SLC4A4: variants seen among roughly 807,000 people sequenced by gnomAD.
SLC4A4 encodes the protein electrogenic sodium bicarbonate cotransporter 1.
A neutral mutation model predicts 111.5 loss-of-function variants in SLC4A4; 27 were observed. The observed-to-expected ratio is 0.24, with a 90% CI of 0.18 to 0.33. SLC4A4 has a LOEUF of 0.33. SLC4A4 is among the 10% of genes least tolerant of loss of function. The pLI is 1.00. For synonymous variants in SLC4A4, 443 were observed against 463.4 expected (o/e 0.96, Z 0.57); for missense variants, 909 against 1,315.5 (o/e 0.69, Z 4.78).
intron 2 of SLC4A4, among the ~76,000 whole-genome samples, chr4:71,156,573 TGCGC>T (rs771841334): frequency 1.5e-4 from 13 of 85,642 alleles, no homozygotes; most frequent in Non-Finnish European, 2.4e-4. Flanking sequence ...TGTGCGCGCA[TGCGC>T]GCGCGCGCGC....
intron 3 of SLC4A4, among the ~76,000 whole-genome samples, chr4:71,293,866 G>A (rs1030226609): frequency 1.3e-5 from 2 of 152,286 alleles, no homozygotes; most frequent in East Asian, 1.9e-4. Flanking sequence ...TAGTCTGAGC[G>A]CTCATGTTGA....
At chr4:71,431,080 C>T (rs1054841598) in intron 7 of SLC4A4, among the ~76,000 whole-genome samples, 1 of 152,054 alleles carries the variant, frequency 6.6e-6, no homozygotes, top group Non-Finnish European at 1.5e-5. Context: ...TTTTCCTCAG[C>T]CCCTCAGGCA....
At chr4:71,104,839 AGCATTCCCTTTGAAAACTG>A (rs1163227785) in intron 2 of SLC4A4, among the ~76,000 whole-genome samples, 1 of 45,404 alleles carries the variant, frequency 2.2e-5, no homozygotes, top group Non-Finnish European at 4.8e-5. Flanking sequence ...AAAAACTGGA[AGCATTCCCTTTGAAAACTG>A]GCACAAGACA....
At chr4:71,255,008 A>G (rs1721337830) in intron 2 of SLC4A4, among the ~76,000 whole-genome samples, 1 of 152,188 alleles carries the variant, frequency 6.6e-6, no homozygotes, top group East Asian at 1.9e-4. Context: ...ATTAGAGTAC[A>G]CTCTCACAGA....
intron 15 of SLC4A4, among the ~76,000 whole-genome samples, chr4:71,494,161 T>C (rs982043165): frequency 1.2e-4 from 18 of 152,036 alleles, no homozygotes; most frequent in African/African-American, 4.3e-4. Context: ...ACTAGATATC[T>C]CTCTGAATAT....
intron 3 of SLC4A4, among the ~76,000 whole-genome samples, chr4:71,299,353 A>G (rs1473399838): frequency 6.6e-6 from 1 of 152,202 alleles, no homozygotes; most frequent in Non-Finnish European, 1.5e-5. Context: ...AATTGAAAAG[A>G]CATTGATTGA....
Position 71,180,402 on chromosome 4 carries a change from G to T in SLC4A4, c.-1-56174G>T, listed in dbSNP as rs1374540051. Among the ~76,000 whole-genome samples the T allele has an allele frequency of 3.9e-5, 6 of 152,136 alleles. No individual in the cohort carries two copies. The East Asian group carries it at 1.2e-3, about 29-fold the overall frequency. On this transcript the variant is annotated intron_variant, in intron 2 of 26. Coordinates refer to the SLC4A4 transcript ENST00000649996. The stretch of plus-strand genomic sequence containing the variant: ...CACACAGCAAAAGAAACTACCATCA[G>T]AGTGAACAAGCAACCTACAGAATGG...
chr4:71,084,571 C>T (rs999398711), intron 1 of SLC4A4, among the ~76,000 whole-genome samples: 4 of 151,960 alleles, frequency 2.6e-5, no homozygotes, highest in African/African-American at 9.7e-5. Context: ...CACTGCACAA[C>T]AGGCCCCGGT....
intron 1 of SLC4A4, among the ~76,000 whole-genome samples, chr4:71,213,475 T>A (rs1040837865): frequency 2.0e-5 from 3 of 152,188 alleles, no homozygotes; most frequent in East Asian, 3.9e-4. Context: ...CACAATTTGA[T>A]CTTACTGGAG....
intron 6 of SLC4A4, among the ~76,000 whole-genome samples, chr4:71,391,845 G>T (rs1432600207): frequency 1.3e-5 from 2 of 151,954 alleles, no homozygotes; most frequent in Admixed American, 1.3e-4. Flanking sequence ...AGCTTTGAGT[G>T]GATGAAACAC....
chr4:71,568,518 A>C lies in SLC4A4; in HGVS notation c.*767A>C, dbSNP rs2149262805. The C allele has an allele frequency of 6.6e-6, 1 of 152,252 alleles. No individual in the cohort carries two copies. Among genetic ancestry groups the C allele is most frequent in the South Asian group, 2.1e-4 (1 of 4,824 alleles). The allele number at this position is 152,252 out of a possible 1,614,324, so 9.4% of individuals were successfully genotyped here. ...CTTTTTTCCTATGCAACTTTTTTTA[A>C]CCCTTTAATGAACTTATCTGTTGAG... On this transcript the variant is annotated 3_prime_UTR_variant, in exon 26 of 26. Coordinates refer to ENST00000264485, the MANE Select transcript of SLC4A4 (RefSeq NM_001098484.3).
chr4:71,224,511 G>T (rs1365307013), intron 1 of SLC4A4, among the ~76,000 whole-genome samples: 1 of 152,142 alleles, frequency 6.6e-6, no homozygotes, highest in Non-Finnish European at 1.5e-5. Flanking sequence ...CTGTATTTCA[G>T]ATATGATGGT....
intron 18 of SLC4A4, among the ~76,000 whole-genome samples, chr4:71,544,228 G>A (rs2149230542): frequency 6.6e-6 from 1 of 152,108 alleles, no homozygotes; most frequent in African/African-American, 2.4e-5. Flanking sequence ...GTTGAGGAAG[G>A]AAAACCAACC....
intron 16 of SLC4A4, among the ~76,000 whole-genome samples, chr4:71,509,676 G>T (rs1430309949): frequency 6.6e-6 from 1 of 152,154 alleles, no homozygotes; most frequent in East Asian, 1.9e-4. Context: ...CAGCAATCTG[G>T]GGTTTGGGGA....
intron 5 of SLC4A4, 69 bp from the exon 6 acceptor site, chr4:71,356,937 AAG>A: frequency 1.4e-6 from 2 of 1,402,120 alleles, no homozygotes; most frequent in Non-Finnish European, 2.0e-6. Context: ...GACATCCATA[AAG>A]TTAGAGTAAA....
chr4:71,534,310 T>A lies in SLC4A4; in HGVS notation c.2364T>A (p.Ala788=). 1.2e-6 allele frequency: 2 copies of A among 1,613,778 alleles called. No homozygotes were observed. Among genetic ancestry groups the A allele is most frequent in the East Asian group, 4.5e-5 (2 of 44,856 alleles). Residue 788 remains alanine, a synonymous_variant, in exon 18 of 26, where the codon GCT becomes GCA. Coordinates refer to ENST00000264485, the MANE Select transcript of SLC4A4 (RefSeq NM_001098484.3). ...TGTGCCTTGCTGCTGCTATCCCGGC[T>A]TTGTTGGTCACTATACTGATTTTCA... ...WWVCLAAAIP[A]LLVTILIFMD... is the part of the protein sequence containing the mutation.
chr4:71,158,611 T>G (rs1447443758), intron 2 of SLC4A4, among the ~76,000 whole-genome samples: 1 of 152,194 alleles, frequency 6.6e-6, no homozygotes. Flanking sequence ...TTTAGCCTTG[T>G]AGCAATGAGC....
rs57049522 is a variant in SLC4A4, at chr4:71,167,544, T to C, written c.-1-69032T>C. Reference sequence around the variant, plus strand: ...GACCCTCTTTGGGAAATATAATCTGTGACATTGGCCAAAGAAAAAGTGAGT... The same window carrying C: ...GACCCTCTTTGGGAAATATAATCTGCGACATTGGCCAAAGAAAAAGTGAGT... On this transcript the variant is annotated intron_variant, in intron 2 of 26. Transcript: ENST00000649996. 5.3e-3 allele frequency among the ~76,000 whole-genome samples: 803 copies of C among 152,270 alleles called. 9 individuals are homozygous for C. Among genetic ancestry groups the C allele is most frequent in the African/African-American group, 0.018 (768 of 41,550 alleles).
intron 16 of SLC4A4, among the ~76,000 whole-genome samples, chr4:71,512,234 T>A (rs923583257): frequency 2.6e-5 from 4 of 152,110 alleles, no homozygotes; most frequent in Admixed American, 6.6e-5. Flanking sequence ...TCTACCACAG[T>A]CTACCAACCA....
Sources: allele counts gnomAD v4.1 joint callset (sites outside exome capture counted in the v4.1 genomes callset), GRCh38; gene constraint gnomAD v4.1.1; transcripts MANE v1.5; gene names NCBI Gene and HGNC (gene_info 2026-07-23, HGNC 2026-07-21).